The following EPS8 variants were observed in gnomAD, a reference collection of about 807,000 sequenced individuals.
EPS8 encodes the protein EGFR pathway substrate 8, signaling adaptor, also known as epidermal growth factor receptor kinase substrate 8.
In EPS8, 42 loss-of-function variants were observed where a neutral mutation model predicts 103.8. The ratio of observed to expected loss-of-function variants is 0.40; its 90% CI spans 0.32 to 0.52. The LOEUF (loss-of-function observed/expected upper bound fraction) is 0.52, where lower values mean the gene tolerates loss of function less well. EPS8 is among the 20% of genes least tolerant of loss of function. The pLI, the probability that EPS8 is intolerant of heterozygous loss-of-function variation, is 0.40. For synonymous variants in EPS8, 344 were observed against 344.6 expected (o/e 1.00, Z 0.02); for missense variants, 969 against 1,005.1 (o/e 0.96, Z 0.49).
In EPS8 at chr12:15,757,583, T is replaced by A. The variant is rs1431264417; in HGVS notation, c.-22+31578A>T. Among the ~76,000 whole-genome samples, 1 of 151,194 alleles carries A rather than the reference T, an allele frequency of 6.6e-6. No individual in the cohort carries two copies. The highest frequency in any genetic ancestry group is 1.5e-5 in the Non-Finnish European group (1 of 67,880). ...AGCCAGAAGTTGCAGTGAGTTGAGA[T>A]CGCGCCACTGCACTCCAGCCTGGCA... is the stretch of plus-strand genomic sequence containing the variant. On this transcript the variant is annotated intron_variant, in intron 1 of 20. Transcript: ENST00000281172. This position sits in a 1 kb window ranked among gnomAD's most constrained non-coding sequence, Gnocchi z 4.1.
At chr12:15,768,243 G>A (rs904561162) in intron 1 of EPS8, among the ~76,000 whole-genome samples, 15 of 151,800 alleles carry the variant, frequency 9.9e-5, no homozygotes, top group African/African-American at 2.9e-4. Flanking sequence ...TTCAAGACCA[G>A]CCTGGCCGAT....
chr12:15,677,403 A>C (rs1945927045), intron 3 of EPS8, among the ~76,000 whole-genome samples: 1 of 152,132 alleles, frequency 6.6e-6, no homozygotes, highest in South Asian at 2.1e-4. Flanking sequence ...GGCCCACTAT[A>C]GTGTCAGACC....
At chr12:15,720,499 C>G (rs1946583420) in intron 1 of EPS8, among the ~76,000 whole-genome samples, 1 of 152,140 alleles carries the variant, frequency 6.6e-6, no homozygotes, top group African/African-American at 2.4e-5. Context: ...GGTCACACTA[C>G]TGATGTAAGC....
At chr12:15,654,666 T>C (rs1367764554) in intron 12 of EPS8, among the ~76,000 whole-genome samples, 1 of 152,164 alleles carries the variant, frequency 6.6e-6, no homozygotes, top group Non-Finnish European at 1.5e-5. Context: ...AAATCTATTA[T>C]GCCAAACTTG....
intron 10 of EPS8, among the ~76,000 whole-genome samples, chr12:15,658,846 T>G (rs1945553876): frequency 6.6e-6 from 1 of 152,148 alleles, no homozygotes; most frequent in Non-Finnish European, 1.5e-5. Context: ...ATGGCAGACA[T>G]TGTGCAAGTG....
At chr12:15,775,939 T>C (rs1947202811) in intron 1 of EPS8, among the ~76,000 whole-genome samples, 1 of 152,182 alleles carries the variant, frequency 6.6e-6, no homozygotes, top group African/African-American at 2.4e-5. Flanking sequence ...GCTAATGATT[T>C]AGCAAAATTC....
Position 15,764,258 on chromosome 12 carries a change from A to G in EPS8, c.-22+24903T>C, listed in dbSNP as rs560836818. ...ACCACGGGAAAGACCCACCCCCATGATTCAGTTACCTCCCACCGGGTCCCT... is the reference window on the plus strand; with the variant it reads ...ACCACGGGAAAGACCCACCCCCATGGTTCAGTTACCTCCCACCGGGTCCCT... On this transcript the variant is annotated intron_variant, in intron 1 of 20. Transcript: ENST00000281172. The surrounding 1 kb of genome is among the most constrained non-coding windows in gnomAD (Gnocchi z 4.1). Among the ~76,000 whole-genome samples the G allele has an allele frequency of 6.6e-6, 1 of 152,272 alleles. No individual in the cohort carries two copies. Among genetic ancestry groups the G allele is most frequent in the African/African-American group, 2.4e-5 (1 of 41,572 alleles).
intron 1 of EPS8, among the ~76,000 whole-genome samples, chr12:15,724,588 A>C (rs933780892): frequency 4.0e-4 from 61 of 152,316 alleles, no homozygotes; most frequent in African/African-American, 1.3e-3. Context: ...CTATGTCCCC[A>C]CCGGAATCTC....
intron 1 of EPS8, chr12:15,712,952 C>T (rs572469513): frequency 4.1e-6 from 4 of 985,318 alleles, no homozygotes; most frequent in East Asian, 1.1e-4. Context: ...TTTGGCACAA[C>T]GTCAGAAAGG....
At chr12:15,666,139 T>C (rs1945705011) in intron 7 of EPS8, among the ~76,000 whole-genome samples, 1 of 152,220 alleles carries the variant, frequency 6.6e-6, no homozygotes, top group Non-Finnish European at 1.5e-5. Flanking sequence ...CATGGAACAA[T>C]TACAATCCTA....
chr12:15,624,254 C>T lies in EPS8; in HGVS notation c.2198G>A (p.Trp733Ter). The T allele has an allele frequency of 6.2e-7, 1 of 1,613,600 alleles. No individual in the cohort carries two copies. The highest frequency in any genetic ancestry group is 8.5e-7 in the Non-Finnish European group (1 of 1,179,904). ...AGGGTTGAATCCCTTTGACTGTAAC[C>T]ACGTCTTCACATCCTCTGGTGTGGA... ...YDSTPEDVKT[W>*]LQSKGFNPVT... is the part of the protein sequence containing the mutation. Residue 733 changes from tryptophan (W) to a stop codon, truncating the protein, a stop_gained, in exon 19 of 21, where the codon TGG (tryptophan) becomes TAG (stop). Coordinates refer to ENST00000281172, the MANE Select transcript of EPS8 (RefSeq NM_004447.6). LOFTEE classifies it high-confidence loss of function.
chr12:15,652,665 T>C (rs1945435590), intron 13 of EPS8, among the ~76,000 whole-genome samples: 1 of 152,166 alleles, frequency 6.6e-6, no homozygotes, highest in Non-Finnish European at 1.5e-5. Context: ...CAGCATACAC[T>C]ATGCTATACT....
intron 1 of EPS8, among the ~76,000 whole-genome samples, chr12:15,783,833 C>G (rs949756163): frequency 6.6e-6 from 1 of 151,370 alleles, no homozygotes; most frequent in South Asian, 2.1e-4. Context: ...CAACTGTTTA[C>G]AGTAAGTAAT....
At chr12:15,641,676 A>G (rs748804666) in intron 16 of EPS8, 46 bp downstream of exon 16, 1 of 923,188 alleles carries the variant, frequency 1.1e-6, no homozygotes, top group Non-Finnish European at 1.7e-6. Context: ...GAGTAATACA[A>G]TAAAACTACT....
At chr12:15,691,286 A>AT (rs1482489363) in intron 1 of EPS8, among the ~76,000 whole-genome samples, 4 of 151,824 alleles carry the variant, frequency 2.6e-5, no homozygotes, top group Non-Finnish European at 2.9e-5. Flanking sequence ...TATGCCTGTA[A>AT]TCCCAACACT....
At chr12:15,675,528 T>C (rs1591844232) in intron 3 of EPS8, among the ~76,000 whole-genome samples, 1 of 152,096 alleles carries the variant, frequency 6.6e-6, no homozygotes, top group African/African-American at 2.4e-5. Context: ...TGAACTAGGA[T>C]GTGGAGATTG....
chr12:15,670,964 A>G (rs368870296), intron 3 of EPS8, 41 bp from the exon 4 acceptor site: 2 of 1,446,718 alleles, frequency 1.4e-6, no homozygotes, highest in South Asian at 2.3e-5. Flanking sequence ...GTCCCCTAAT[A>G]GACTGAAGTT....
intron 1 of EPS8, among the ~76,000 whole-genome samples, chr12:15,724,494 G>A (rs1946631439): frequency 6.6e-6 from 1 of 151,986 alleles, no homozygotes; most frequent in African/African-American, 2.4e-5. Context: ...ATTTTGTAAG[G>A]GAGACTGTTT....
intron 1 of EPS8, chr12:15,712,891 A>G: frequency 3.5e-5 from 34 of 985,334 alleles, no homozygotes; most frequent in Non-Finnish European, 4.1e-5. Flanking sequence ...GCAATCGTCC[A>G]GGCAATATTG....
Sources: gnomAD v4.1 joint callset for allele counts (sites outside exome capture counted in the v4.1 genomes callset) on GRCh38, gnomAD v4.1.1 for gene constraint, Gnocchi (gnomAD v3.1) non-coding constraint, MANE v1.5 for transcripts, NCBI Gene and HGNC (gene_info 2026-07-23, HGNC 2026-07-21) for gene names.